The following CLCA1 variants were observed in gnomAD, a reference collection of about 807,000 sequenced individuals.
The protein encoded by CLCA1 is calcium-activated chloride channel regulator 1.
A neutral mutation model predicts 85.6 loss-of-function variants in CLCA1; 59 were observed. The ratio of observed to expected loss-of-function variants is 0.69; its 90% CI spans 0.56 to 0.86. The LOEUF is 0.86. Among genes scored for constraint, CLCA1 ranks in the 40% least tolerant of loss-of-function variants. The pLI, the probability that CLCA1 is intolerant of heterozygous loss-of-function variation, is 0.00. For synonymous variants in CLCA1, 396 were observed against 398.3 expected (o/e 0.99, Z 0.07); for missense variants, 1,022 against 1,101.4 (o/e 0.93, Z 1.02).
intron 3 of CLCA1, among the ~76,000 whole-genome samples, chr1:86,474,651 C>A (rs1304184218): frequency 6.6e-6 from 1 of 151,976 alleles, no homozygotes; most frequent in African/African-American, 2.4e-5. Flanking sequence ...TTGATTCTAC[C>A]GGTCTGTGGA....
At position 86,469,013 on chromosome 1, in the gene CLCA1, C is replaced by T; in HGVS notation, c.42C>T (p.His14=). The T allele has an allele frequency of 6.2e-7, 1 of 1,612,870 alleles. No individual in the cohort carries two copies. Among genetic ancestry groups the T allele is most frequent in the South Asian group, 1.1e-5 (1 of 90,764 alleles). Residue 14 remains histidine, a synonymous_variant, in exon 1 of 14, where the codon CAC becomes CAT. Coordinates refer to ENST00000394711, the MANE Select transcript of CLCA1 (RefSeq NM_001285.4). ...GTTCTGTGTTCATCTTGATTCTTCA[C>T]CTTCTAGAAGGGGCCCTGAGTAATT... The part of the protein sequence containing the change: ...FKSSVFILIL[H]LLEGALSNSL...
At chr1:86,475,684 G>A (rs1647620318) in intron 3 of CLCA1, among the ~76,000 whole-genome samples, 1 of 152,154 alleles carries the variant, frequency 6.6e-6, no homozygotes. Context: ...ACAAAGATGG[G>A]AAGGAAGTAT....
chr1:86,493,536 A>C lies in CLCA1; in HGVS notation c.1617A>C (p.Gln539His). The change falls in exon 10 of 14, where the codon CAA becomes CAC. Residue 539 changes from glutamine (Q) to histidine (H), a missense_variant. Transcript: ENST00000394711. ...TCTGGGATCCCAGTGGACAGAAGCA[A>C]GGTGGCTTTGTAGTGGACAAAAACA... is the stretch of plus-strand genomic sequence containing the variant. ...ILLWDPSGQK[Q>H]GGFVVDKNTK... 1 of 1,614,192 alleles carries C rather than the reference A, an allele frequency of 6.2e-7. No individual in the cohort carries two copies.
Position 86,473,770 on chromosome 1 carries a change from T to A in CLCA1, c.345T>A (p.Asp115Glu). Reference sequence around the variant, plus strand: ...CTGAGTCTACTCCTCCAGGTAATGATGAACCCTACACTGAGCAGATGGGCA... The same window carrying A: ...CTGAGTCTACTCCTCCAGGTAATGAAGAACCCTACACTGAGCAGATGGGCA... Reference protein sequence around the residue: ...LVAESTPPGNDEPYTEQMGNC... With the variant: ...LVAESTPPGNEEPYTEQMGNC... Residue 115 changes from aspartate (D) to glutamate (E), a missense_variant, in exon 3 of 14, where the codon GAT becomes GAA. Coordinates refer to ENST00000394711, the MANE Select transcript of CLCA1 (RefSeq NM_001285.4). 1 of 1,602,474 alleles carries A rather than the reference T, an allele frequency of 6.2e-7. No homozygotes were observed.
Position 86,493,440 on chromosome 1 carries a change from C to A in CLCA1, c.1521C>A (p.Ile507=), listed in dbSNP as rs1648189718. ...GCCAGTGGATGAATGGCACAGTGAT[C>A]GTGGACAGCACCGTGGGAAAGGACA... is the stretch of plus-strand genomic sequence containing the variant. ...QNSQWMNGTV[I]VDSTVGKDTL... Residue 507 remains isoleucine, a synonymous_variant, in exon 10 of 14, where the codon ATC becomes ATA. Coordinates refer to ENST00000394711, the MANE Select transcript of CLCA1 (RefSeq NM_001285.4). 1.2e-6 allele frequency: 2 copies of A among 1,614,022 alleles called. No individual in the cohort carries two copies. The highest frequency in any genetic ancestry group is 8.5e-7 in the Non-Finnish European group (1 of 1,179,948).
intron 3 of CLCA1, among the ~76,000 whole-genome samples, 153 bp from the exon 4 acceptor site, chr1:86,476,295 C>T (rs769395618): frequency 2.6e-5 from 4 of 152,040 alleles, no homozygotes; most frequent in South Asian, 2.1e-4. Context: ...TTTAAGAAAA[C>T]GTACAGTTAT....
intron 1 of CLCA1, among the ~76,000 whole-genome samples, chr1:86,469,610 G>A (rs2753345): frequency 0.12 from 18,571 of 152,040 alleles, 1,191 homozygotes; most frequent in Middle Eastern, 0.21. Flanking sequence ...CCTTCTGATG[G>A]GAGAAAACCT....
intron 4 of CLCA1, among the ~76,000 whole-genome samples, chr1:86,480,913 A>G (rs1189511108): frequency 6.6e-6 from 1 of 152,188 alleles, no homozygotes; most frequent in Non-Finnish European, 1.5e-5. Flanking sequence ...AGCTGTATCA[A>G]CGGGCTTTAA....
intron 4 of CLCA1, among the ~76,000 whole-genome samples, chr1:86,476,959 G>A (rs1035978628): frequency 1.1e-4 from 16 of 152,120 alleles, no homozygotes; most frequent in Admixed American, 2.0e-4. Flanking sequence ...ACCCAGGCTG[G>A]AGCGCAGTGA....
At position 86,482,255 on chromosome 1, in the gene CLCA1, G is replaced by C; in HGVS notation, c.608G>C (p.Gly203Ala). 1 of 1,613,980 alleles carries C rather than the reference G, an allele frequency of 6.2e-7. No individual in the cohort carries two copies. Among genetic ancestry groups the C allele is most frequent in the Non-Finnish European group, 8.5e-7 (1 of 1,179,858 alleles). The change falls in exon 5 of 14, where the codon GGC (glycine) becomes GCC (alanine). Residue 203 changes from glycine to alanine, a missense_variant. Coordinates refer to ENST00000394711, the MANE Select transcript of CLCA1 (RefSeq NM_001285.4). ...AATGTAGTAAAGAAGTGTCAGGGAG[G>C]CAGCTGTTACACCAAAAGATGCACA... The part of the protein sequence containing the change: ...GTNVVKKCQG[G>A]SCYTKRCTFN...
chr1:86,473,675 G>T, intron 2 of CLCA1, 54 bp from the exon 3 acceptor site: 3 of 1,514,758 alleles, frequency 2.0e-6, no homozygotes, highest in South Asian at 1.2e-5. Context: ...TACGAATATG[G>T]TTAATTCATT....
At chr1:86,475,197 G>T (rs1647610729) in intron 3 of CLCA1, among the ~76,000 whole-genome samples, 1 of 152,120 alleles carries the variant, frequency 6.6e-6, no homozygotes, top group Non-Finnish European at 1.5e-5. Context: ...TTCCTTAATA[G>T]TGTTTCCTTT....
In CLCA1 at chr1:86,473,498, C is replaced by T. The variant is rs1186604931; in HGVS notation, c.244C>T (p.Pro82Ser). 1.9e-6 allele frequency: 3 copies of T among 1,611,298 alleles called. No homozygotes were observed. The highest frequency in any genetic ancestry group is 3.3e-5 in the Admixed American group (2 of 59,950). The change falls in exon 2 of 14, where the codon CCT becomes TCT. Residue 82 changes from proline to serine, a missense_variant. By Grantham distance (74) the Pro-to-Ser change is moderately conservative (BLOSUM62 -1). Transcript: ENST00000394711. ...FYFKNVAILI[P>S]ETWKTKADYV... The stretch of plus-strand genomic sequence containing the variant: ...TTTCAAAAATGTTGCCATTTTGATT[C>T]CTGAAACATGGAAGACAAAGGCTGA...
Position 86,473,408 on chromosome 1 carries a change from T to C in CLCA1, c.163-9T>C. On this transcript the variant is annotated splice_polypyrimidine_tract_variant and intron_variant, in intron 1 of 13. Coordinates refer to ENST00000394711, the MANE Select transcript of CLCA1 (RefSeq NM_001285.4). ...TCAATTGTTACGTATGTTTTCTTTTTCTTCCCAGGACATGGTGACCCAGGC... is the reference window on the plus strand; with the variant it reads ...TCAATTGTTACGTATGTTTTCTTTTCCTTCCCAGGACATGGTGACCCAGGC... 1 of 1,525,218 alleles carries C rather than the reference T, an allele frequency of 6.6e-7. No homozygotes were observed. Among genetic ancestry groups the C allele is most frequent in the Non-Finnish European group, 8.9e-7 (1 of 1,125,168 alleles). 94.5% of individuals were successfully genotyped at this position (1,525,218 alleles called of 1,614,324 possible). A position where few individuals can be genotyped will look rare whatever the true frequency, so the allele number is the denominator to read the frequency against.
intron 5 of CLCA1, 121 bp downstream of exon 5, chr1:86,482,503 C>T: frequency 1.1e-6 from 1 of 880,654 alleles, no homozygotes; most frequent in Non-Finnish European, 1.7e-6. Context: ...TGGATTATCT[C>T]TGGGACAAGC....
At chr1:86,480,835 T>C (rs1269088865) in intron 4 of CLCA1, among the ~76,000 whole-genome samples, 2 of 152,080 alleles carry the variant, frequency 1.3e-5, no homozygotes, top group Non-Finnish European at 2.9e-5. Context: ...GTGACACATA[T>C]CAAATTAAAA....
chr1:86,481,804 T>C (rs1017124998), intron 4 of CLCA1, among the ~76,000 whole-genome samples: 2 of 152,068 alleles, frequency 1.3e-5, no homozygotes, highest in Non-Finnish European at 2.9e-5. Context: ...ACAAAAACCA[T>C]GTGAAATAAA....
At chr1:86,483,630 A>T (rs1487099662) in intron 5 of CLCA1, among the ~76,000 whole-genome samples, 1 of 152,202 alleles carries the variant, frequency 6.6e-6, no homozygotes, top group Admixed American at 6.5e-5. Flanking sequence ...TATTGACCTT[A>T]GTGCATATAT....
intron 5 of CLCA1, among the ~76,000 whole-genome samples, chr1:86,483,735 A>G (rs557616166): frequency 1.3e-5 from 2 of 152,350 alleles, no homozygotes; most frequent in South Asian, 2.1e-4. Context: ...TAACAAAGTC[A>G]TATTGAGTTT....
Sources: allele counts gnomAD v4.1 joint callset (sites outside exome capture counted in the v4.1 genomes callset), GRCh38; gene constraint gnomAD v4.1.1; transcripts MANE v1.5; gene names NCBI Gene and HGNC (gene_info 2026-07-23, HGNC 2026-07-21).